The following TACC2 variants were observed in gnomAD, a reference collection of about 807,000 sequenced individuals.
TACC2 encodes the protein transforming acidic coiled-coil containing protein 2.
Under a neutral mutation model 227.3 loss-of-function variants are expected in TACC2, and 137 were observed. That is an observed-to-expected ratio of 0.60 (90% CI 0.52 to 0.69). The LOEUF (loss-of-function observed/expected upper bound fraction) is 0.69, where lower values mean the gene tolerates loss of function less well. TACC2 is among the 30% of genes least tolerant of loss of function. The pLI, the probability that TACC2 is intolerant of heterozygous loss-of-function variation, is 0.00. For missense variants in TACC2, 3,470 were observed against 3,694.4 expected, an observed-to-expected ratio of 0.94 and a Z score of 1.57; for synonymous variants, 1,523 against 1,487.5, an observed-to-expected ratio of 1.02 and a Z score of -0.55.
intron 9 of TACC2, chr10:122,213,507 A>G: frequency 3.5e-6 from 3 of 867,990 alleles, no homozygotes; most frequent in Non-Finnish European, 1.9e-6. Flanking sequence ...GGGCCTGCGA[A>G]TGATGGGGCA....
At chr10:122,081,934 C>T (rs948250461) in intron 3 of TACC2, among the ~76,000 whole-genome samples, 3 of 152,224 alleles carry the variant, frequency 2.0e-5, no homozygotes, top group Non-Finnish European at 4.4e-5. Context: ...TTTTCCTGAA[C>T]ATCTAAGGAT....
Position 122,132,745 on chromosome 10 carries a change from G to A in TACC2, c.5699+11G>A, listed in dbSNP as rs371833004. ...TCTGATAGCCCAGAGGTACGGTGGG[G>A]GCCCTGGAGCTGGTGATGAGACCTC... On this transcript the variant is annotated intron_variant, in intron 6 of 22. Coordinates refer to ENST00000369005, the MANE Select transcript of TACC2 (RefSeq NM_206862.4). 40 of 1,613,826 alleles carry A rather than the reference G, an allele frequency of 2.5e-5. No homozygotes were observed. The Admixed American group carries it at 3.3e-4, about 13-fold the overall frequency.
chr10:122,159,562 C>T (rs375654283), intron 7 of TACC2, among the ~76,000 whole-genome samples: 14 of 152,268 alleles, frequency 9.2e-5, no homozygotes, highest in African/African-American at 2.9e-4. Flanking sequence ...TGACACGGGG[C>T]TGGATGCCTG....
intron 6 of TACC2, among the ~76,000 whole-genome samples, chr10:122,139,659 C>T (rs761341887): frequency 1.6e-4 from 25 of 152,218 alleles, no homozygotes; most frequent in Non-Finnish European, 3.5e-4. Flanking sequence ...CCTGAGTCTT[C>T]GGCCTTAACG....
chr10:122,107,645 C>T (rs1380230727), intron 5 of TACC2, among the ~76,000 whole-genome samples: 3 of 150,902 alleles, frequency 2.0e-5, no homozygotes, highest in Non-Finnish European at 4.4e-5. Context: ...TTAAAATATG[C>T]TTGCTAGAAT....
rs189559167 is a variant in TACC2 at position 122,209,606 on chromosome 10, C to G, written c.5972-791C>G. ...TGTCTCCTCAGAAGATCTTGCCTGA[C>G]TACCTTATTTTAAAAGTGAAACTCT... On this transcript the variant is annotated intron_variant, in intron 8 of 22. Transcript: ENST00000369005. The surrounding 1 kb of genome is among the most constrained non-coding windows in gnomAD (Gnocchi z 4.5). 1.3e-5 allele frequency among the ~76,000 whole-genome samples: 2 copies of G among 152,168 alleles called. No individual in the cohort carries two copies. The highest frequency in any genetic ancestry group is 6.5e-5 in the Admixed American group (1 of 15,272).
At chr10:122,179,034 C>T (rs1697930634) in intron 7 of TACC2, among the ~76,000 whole-genome samples, 2 of 152,212 alleles carry the variant, frequency 1.3e-5, no homozygotes, top group Non-Finnish European at 1.5e-5. Context: ...TGCTCTTGAA[C>T]ACCTTGCCAT....
chr10:122,223,995 A>G (rs1190234472), intron 11 of TACC2, among the ~76,000 whole-genome samples: 1 of 152,254 alleles, frequency 6.6e-6, no homozygotes, highest in South Asian at 2.1e-4. Context: ...CGTTTGCTGG[A>G]TGGGGAGTTC....
chr10:122,021,891 A>G, intron 1 of TACC2, 46 bp from the exon 2 acceptor site: 1 of 1,218,138 alleles, frequency 8.2e-7, no homozygotes, highest in Non-Finnish European at 1.2e-6. Flanking sequence ...AAAACCTCAG[A>G]TCTTTTTTCA....
At chr10:122,132,432 G>A (rs549804716) in intron 5 of TACC2, among the ~76,000 whole-genome samples, 177 bp from the exon 6 acceptor site, 4 of 152,184 alleles carry the variant, frequency 2.6e-5, no homozygotes, top group Admixed American at 6.5e-5. Flanking sequence ...GCCTGTAATC[G>A]CAGCTACTCA....
chr10:122,008,264 A>ATTATTATTATTATTTTTT, intron 1 of TACC2, among the ~76,000 whole-genome samples: 8 of 134,664 alleles, frequency 5.9e-5, no homozygotes, highest in African/African-American at 1.7e-4. Flanking sequence ...TATTATTATT[A>ATTATTATTATTATTTTTT]TTTTTTTTTT....
Position 122,084,142 on chromosome 10 carries a change from G to A in TACC2, c.1642G>A (p.Gly548Arg). 1 of 1,614,074 alleles carries A rather than the reference G, an allele frequency of 6.2e-7. No homozygotes were observed. Among genetic ancestry groups the A allele is most frequent in the Admixed American group, 1.7e-5 (1 of 60,022 alleles). Residue 548 changes from glycine (G) to arginine (R), a missense_variant, in exon 4 of 23, where the codon GGG becomes AGG. Gly to Arg is a moderately radical substitution (Grantham distance 125, BLOSUM62 -2). Coordinates refer to ENST00000369005, the MANE Select transcript of TACC2 (RefSeq NM_206862.4). ...APSESARGPP[G>R]PTDGAKVHED... ...AAGTGAAAGTGCCAGAGGGCCACCGGGGCCAACGGATGGAGCCAAGGTCCA... is the reference window on the plus strand; with the variant it reads ...AAGTGAAAGTGCCAGAGGGCCACCGAGGCCAACGGATGGAGCCAAGGTCCA...
chr10:122,159,920 C>T (rs533343599), intron 7 of TACC2, among the ~76,000 whole-genome samples: 3 of 152,228 alleles, frequency 2.0e-5, no homozygotes, highest in East Asian at 3.9e-4. Context: ...GAGCCACTCA[C>T]CTTTGTTTTT....
At chr10:122,027,570 G>A (rs2943762) in intron 2 of TACC2, among the ~76,000 whole-genome samples, 42,551 of 151,896 alleles carry the variant, frequency 0.28, 7,315 homozygotes, top group African/African-American at 0.49. Flanking sequence ...TTCTGGGTTT[G>A]CTATTCTTGT....
At chr10:122,000,066 T>C (rs1954087299) in intron 1 of TACC2, among the ~76,000 whole-genome samples, 3 of 152,310 alleles carry the variant, frequency 2.0e-5, no homozygotes, top group Middle Eastern at 6.8e-3. Flanking sequence ...CCAGGTCTCA[T>C]GTATGAAGTG....
chr10:122,083,229 G>A lies in TACC2; in HGVS notation c.729G>A (p.Val243=). ...GFPPAESRQG[V]ASVQVTPEAP... is the part of the protein sequence containing the mutation. ...CCCCTGCAGAGTCCAGGCAGGGGGTGGCTTCTGTGCAAGTGACCCCTGAGG... is the reference window on the plus strand; with the variant it reads ...CCCCTGCAGAGTCCAGGCAGGGGGTAGCTTCTGTGCAAGTGACCCCTGAGG... The change falls in exon 4 of 23, where the codon GTG becomes GTA. Residue 243 remains valine, a synonymous_variant. Coordinates refer to ENST00000369005, the MANE Select transcript of TACC2 (RefSeq NM_206862.4). The A allele has an allele frequency of 6.2e-7, 1 of 1,613,482 alleles. No individual in the cohort carries two copies. The highest frequency in any genetic ancestry group is 2.2e-5 in the East Asian group (1 of 44,858).
chr10:122,173,132 A>G (rs1364350327), intron 7 of TACC2, among the ~76,000 whole-genome samples: 1 of 152,192 alleles, frequency 6.6e-6, no homozygotes. Flanking sequence ...TGAGATTCCT[A>G]CAGGGGTAAT....
chr10:122,181,978 A>G (rs928251441), intron 7 of TACC2, among the ~76,000 whole-genome samples: 1 of 152,244 alleles, frequency 6.6e-6, no homozygotes, highest in African/African-American at 2.4e-5. Context: ...TGCAGACTGC[A>G]GTAGAAAATA....
At chr10:122,138,755 G>T (rs2090080096) in intron 6 of TACC2, among the ~76,000 whole-genome samples, 1 of 152,196 alleles carries the variant, frequency 6.6e-6, no homozygotes, top group African/African-American at 2.4e-5. Context: ...TGTTGGGGTT[G>T]AACCACATGA....
Sources: allele counts gnomAD v4.1 joint callset (sites outside exome capture counted in the v4.1 genomes callset), GRCh38; gene constraint gnomAD v4.1.1; non-coding constraint Gnocchi (gnomAD v3.1); transcripts MANE v1.5; gene names NCBI Gene and HGNC (gene_info 2026-07-23, HGNC 2026-07-21).